PLEKHO1: variants seen among roughly 807,000 people sequenced by gnomAD.
PLEKHO1 encodes the protein pleckstrin homology domain-containing family O member 1.
Under a neutral mutation model 41.4 loss-of-function variants are expected in PLEKHO1, and 22 were observed. That is an observed-to-expected ratio of 0.53 (90% confidence interval 0.38 to 0.76). The LOEUF is 0.76. PLEKHO1 is among the 30% of genes least tolerant of loss of function. The probability of loss-of-function intolerance (pLI) is 0.00; values close to 1 mark genes in which losing one functional copy is unlikely to be tolerated. For missense variants in PLEKHO1, 488 were observed against 518.3 expected (o/e 0.94, Z 0.57); for synonymous variants, 225 against 210.8 (o/e 1.07, Z -0.58).
Position 150,150,187 on chromosome 1 carries a change from C to T in PLEKHO1, c.-71C>T, listed in dbSNP as rs1316497948. 5 of 759,308 alleles carry T rather than the reference C, an allele frequency of 6.6e-6. No homozygotes were observed. The South Asian group carries it at 1.7e-4, about 27-fold the overall frequency. The allele number at this position is 759,308 out of a possible 1,614,324, so 47.0% of individuals were successfully genotyped here. A position where few individuals can be genotyped will look rare whatever the true frequency, so the allele number is the denominator to read the frequency against. ...ACGCCCTCCCGCGGGGAAGGAGCCC[C>T]CGCGGTGCCGCCGAGGCCCCGACGC... On this transcript the variant is annotated 5_prime_UTR_variant, in exon 1 of 6. Transcript: ENST00000369124.
rs782552410 is a variant in PLEKHO1, at chr1:150,159,549, C to T, written c.*26C>T. On this transcript the variant is annotated 3_prime_UTR_variant, in exon 6 of 6. Transcript: ENST00000369124. ...GGGCAGGGTGGGGTCTGGAACTTGT[C>T]GGGTTGGACAGACTCTTATCTCCGT... The T allele has an allele frequency of 1.5e-5, 22 of 1,449,116 alleles. No homozygotes were observed. Among genetic ancestry groups the T allele is most frequent in the East Asian group, 2.3e-5 (1 of 43,112 alleles). The allele number at this position is 1,449,116 out of a possible 1,614,324, so 89.8% of individuals were successfully genotyped here. A position where few individuals can be genotyped will look rare whatever the true frequency, so the allele number is the denominator to read the frequency against.
intron 2 of PLEKHO1, among the ~76,000 whole-genome samples, chr1:150,151,532 C>CA (rs1659928917): frequency 6.6e-6 from 1 of 152,296 alleles, no homozygotes; most frequent in African/African-American, 2.4e-5. Context: ...TCACAGAAAA[C>CA]ACGCACCCCG....
At chr1:150,157,822 T>A (rs1660238609) in intron 5 of PLEKHO1, among the ~76,000 whole-genome samples, 1 of 152,150 alleles carries the variant, frequency 6.6e-6, no homozygotes, top group African/African-American at 2.4e-5. Context: ...GGAGAAAGGA[T>A]CACAATGAAC....
intron 2 of PLEKHO1, 105 bp from the exon 3 acceptor site, chr1:150,155,961 C>T: frequency 9.2e-7 from 1 of 1,086,992 alleles, no homozygotes; most frequent in Non-Finnish European, 1.3e-6. Flanking sequence ...GGCGTGCCTC[C>T]CTCTCCTCAG....
Position 150,159,102 on chromosome 1 carries a change from C to T in PLEKHO1, c.809C>T (p.Ala270Val), listed in dbSNP as rs1660312162. 6.2e-7 allele frequency: 1 copy of T among 1,613,770 alleles called. No individual in the cohort carries two copies. The highest frequency in any genetic ancestry group is 8.5e-7 in the Non-Finnish European group (1 of 1,179,928). Residue 270 changes from alanine to valine, a missense_variant, in exon 6 of 6, where the codon GCC becomes GTC. Physicochemically the swap from Ala to Val is moderately conservative, Grantham distance 64. Transcript: ENST00000369124. The part of the protein sequence containing the change: ...KLTPTEKGRC[A>V]SLEEILSQRD... ...ACGCCCACAGAGAAAGGCCGCTGCG[C>T]CTCCCTGGAGGAGATCCTATCTCAG... is the stretch of plus-strand genomic sequence containing the variant.
At chr1:150,151,119 A>G (rs1659909722) in intron 2 of PLEKHO1, 61 bp downstream of exon 2, 1 of 1,588,064 alleles carries the variant, frequency 6.3e-7, no homozygotes, top group Non-Finnish European at 8.6e-7. Context: ...TCACTCCCCA[A>G]GGGCTCGCCT....
In PLEKHO1 at chr1:150,159,002, G is replaced by T; in HGVS notation, c.709G>T (p.Ala237Ser). Reference protein sequence around the residue: ...SDRIQPSADRASSLSRPWEKT... With the variant: ...SDRIQPSADRSSSLSRPWEKT... ...CCGCATCCAGCCCTCCGCAGACCGG[G>T]CAAGCAGTCTCTCCCGACCTTGGGA... Residue 237 changes from alanine (A) to serine (S), a missense_variant, in exon 6 of 6, where the codon GCA (alanine) becomes TCA (serine). Coordinates refer to ENST00000369124, the MANE Select transcript of PLEKHO1 (RefSeq NM_016274.6). 1.9e-6 allele frequency: 3 copies of T among 1,614,126 alleles called. No homozygotes were observed. Among genetic ancestry groups the T allele is most frequent in the Non-Finnish European group, 2.5e-6 (3 of 1,180,000 alleles).
In PLEKHO1 at chr1:150,159,711, C is replaced by T. The variant is rs1389603619; in HGVS notation, c.*188C>T. 2 of 525,020 alleles carry T rather than the reference C, an allele frequency of 3.8e-6. No homozygotes were observed. Among genetic ancestry groups the T allele is most frequent in the Non-Finnish European group, 3.4e-6 (1 of 293,148 alleles). 32.5% of individuals were successfully genotyped at this position (525,020 alleles called of 1,614,324 possible). The stretch of plus-strand genomic sequence containing the variant: ...TTCCATATGCCCCTCGTATGCCCCT[C>T]AGGTTTGAGGAAGTGACCCCGCAGC... On this transcript the variant is annotated 3_prime_UTR_variant, in exon 6 of 6. Transcript: ENST00000369124.
In PLEKHO1 at chr1:150,157,444, G is replaced by C. The variant is rs1660219621; in HGVS notation, c.483G>C (p.Gln161His). ...CCACTCGAGACAGGGCAAAAATCCA[G>C]CACTCCCGCCGCCCCCCAACAAGGG... ...AHPTRDRAKI[Q>H]HSRRPPTRGH... The change falls in exon 5 of 6, where the codon CAG (glutamine) becomes CAC (histidine). Residue 161 changes from glutamine to histidine, a missense_variant. Transcript: ENST00000369124. 1 of 1,613,888 alleles carries C rather than the reference G, an allele frequency of 6.2e-7. No individual in the cohort carries two copies. The highest frequency in any genetic ancestry group is 1.7e-5 in the Admixed American group (1 of 60,004).
At chr1:150,153,181 G>C (rs1484056637) in intron 2 of PLEKHO1, among the ~76,000 whole-genome samples, 1 of 152,102 alleles carries the variant, frequency 6.6e-6, no homozygotes, top group East Asian at 1.9e-4. Flanking sequence ...TCAAGACACG[G>C]TGTTCTGTTT....
chr1:150,151,184 C>G (rs1412066975), intron 2 of PLEKHO1, 126 bp downstream of exon 2: 2 of 966,042 alleles, frequency 2.1e-6, no homozygotes, highest in Non-Finnish European at 3.2e-6. Context: ...CTCCTCTCTA[C>G]CCCCATCTCA....
intron 2 of PLEKHO1, chr1:150,154,200 G>C (rs587668477): frequency 1.3e-5 from 2 of 152,374 alleles, no homozygotes; most frequent in Non-Finnish European, 2.9e-5. Flanking sequence ...CGGTTTCTGG[G>C]CTCTGCTGAT....
chr1:150,158,676 A>C (rs1660278224), intron 5 of PLEKHO1, 143 bp from the exon 6 acceptor site: 1 of 654,170 alleles, frequency 1.5e-6, no homozygotes, highest in South Asian at 1.9e-5. Flanking sequence ...GTGACAGAGC[A>C]AGACTCTGTC....
In PLEKHO1 at chr1:150,150,894, C is replaced by T. The variant is rs781895353; in HGVS notation, c.31-18C>T. 2 of 1,612,454 alleles carry T rather than the reference C, an allele frequency of 1.2e-6. No homozygotes were observed. Among genetic ancestry groups the T allele is most frequent in the Non-Finnish European group, 1.7e-6 (2 of 1,178,706 alleles). ...TGGAATCTCCTAACCGCCCGCTTCT[C>T]ATCTTGTCCTGGGGCAGGGACCTCA... On this transcript the variant is annotated intron_variant, in intron 1 of 5. Coordinates refer to ENST00000369124, the MANE Select transcript of PLEKHO1 (RefSeq NM_016274.6).
rs782741074 is a variant in PLEKHO1, at chr1:150,158,931, A to G, written c.638A>G (p.Lys213Arg). Reference sequence around the variant, plus strand: ...GAGAGCTTTCGGGTTGACCTGGACAAGTCTGTGGCCCAGCTGGCAGGGAGC... The same window carrying G: ...GAGAGCTTTCGGGTTGACCTGGACAGGTCTGTGGCCCAGCTGGCAGGGAGC... Reference protein sequence around the residue: ...CAESFRVDLDKSVAQLAGSRR... With the variant: ...CAESFRVDLDRSVAQLAGSRR... The change falls in exon 6 of 6, where the codon AAG becomes AGG. Residue 213 changes from lysine to arginine, a missense_variant. Transcript: ENST00000369124. 2.5e-6 allele frequency: 4 copies of G among 1,614,120 alleles called. No individual in the cohort carries two copies. In the East Asian group the frequency reaches 8.9e-5, roughly 36 times the overall value.
At chr1:150,157,568 C>T in intron 5 of PLEKHO1, 82 bp downstream of exon 5, 1 of 961,404 alleles carries the variant, frequency 1.0e-6, no homozygotes, top group Non-Finnish European at 1.6e-6. Flanking sequence ...CCACCAGAGG[C>T]ATTTGCGGGA....
intron 2 of PLEKHO1, chr1:150,155,861 C>T (rs1660146099): frequency 5.5e-6 from 3 of 540,696 alleles, no homozygotes. Context: ...AACAGAAACA[C>T]ACCTTAACAT....
Position 150,150,256 on chromosome 1 carries a change from G to GA in PLEKHO1, c.1dup. ...GCCGCCCCGCGCCCGCGCCCGCTGG[G>GA]AATGATGAAGAAGAACAATTCCGCC... On this transcript the variant is annotated 5_prime_UTR_variant, in exon 1 of 6. Transcript: ENST00000369124. 1 of 1,108,176 alleles carries GA rather than the reference G, an allele frequency of 9.0e-7. No homozygotes were observed. Among genetic ancestry groups the GA allele is most frequent in the Non-Finnish European group, 1.1e-6 (1 of 901,496 alleles). 68.6% of individuals were successfully genotyped at this position (1,108,176 alleles called of 1,614,324 possible).
chr1:150,156,060 C>T lies in PLEKHO1; in HGVS notation c.178-6C>T, dbSNP rs782092475. On this transcript the variant is annotated splice_polypyrimidine_tract_variant and splice_region_variant and intron_variant, in intron 2 of 5. Transcript: ENST00000369124. Reference sequence around the variant, plus strand: ...TCCTCCTCACCTCACCCCAACCCTCCCCTAGGTAAAAGATGAGAAAAATAT... The same window carrying T: ...TCCTCCTCACCTCACCCCAACCCTCTCCTAGGTAAAAGATGAGAAAAATAT... 1.2e-6 allele frequency: 2 copies of T among 1,612,304 alleles called. No homozygotes were observed. The highest frequency in any genetic ancestry group is 1.7e-6 in the Non-Finnish European group (2 of 1,178,696).
Sources: allele counts gnomAD v4.1 joint callset (sites outside exome capture counted in the v4.1 genomes callset), GRCh38; gene constraint gnomAD v4.1.1; transcripts MANE v1.5; gene names NCBI Gene and HGNC (gene_info 2026-07-23, HGNC 2026-07-21).